The following ITPR1 variants were observed in gnomAD, a reference collection of about 807,000 sequenced individuals.
The protein encoded by ITPR1 is inositol 1,4,5-trisphosphate receptor type 1.
ITPR1 carries 96 observed loss-of-function variants against 318.4 expected under a neutral mutation model. That is an observed-to-expected ratio of 0.30 (90% CI 0.26 to 0.36). The LOEUF (loss-of-function observed/expected upper bound fraction) is 0.36. Among genes scored for constraint, ITPR1 ranks in the 10% least tolerant of loss-of-function variants. The pLI, the probability that ITPR1 is intolerant of heterozygous loss-of-function variation, is 1.00. For missense variants in ITPR1, 2,440 were observed against 3,460.2 expected (o/e 0.71, Z 7.40); for synonymous variants, 1,312 against 1,289.9 (o/e 1.02, Z -0.37).
chr3:4,554,790 T>C (rs1404602823), intron 4 of ITPR1, among the ~76,000 whole-genome samples: 3 of 152,190 alleles, frequency 2.0e-5, no homozygotes, highest in Non-Finnish European at 4.4e-5. Context: ...GTTTCTTGTC[T>C]TCCTGCTTGT....
At chr3:4,747,819 T>C (rs1483813615) in intron 44 of ITPR1, among the ~76,000 whole-genome samples, 1 of 152,192 alleles carries the variant, frequency 6.6e-6, no homozygotes. Context: ...CTCATCTAAT[T>C]AGGGCCGTTA....
In ITPR1 at chr3:4,759,014, G is replaced by A. The variant is rs575706450; in HGVS notation, c.5545-7516G>A. Among the ~76,000 whole-genome samples the A allele has an allele frequency of 5.5e-4, 84 of 152,388 alleles. 1 individual carries two copies. The highest frequency in any genetic ancestry group is 1.9e-3 in the African/African-American group (81 of 41,592). On this transcript the variant is annotated intron_variant, in intron 44 of 61. Coordinates refer to ENST00000649015, the MANE Select transcript of ITPR1 (RefSeq NM_001378452.1). ...AACAATAATACCCCTTTCCAGGGAA[G>A]GGTAAGATAGGTGGATCCAGAAAGG...
intron 55 of ITPR1, among the ~76,000 whole-genome samples, chr3:4,808,747 G>A (rs766473139): frequency 4.6e-5 from 7 of 152,330 alleles, no homozygotes; most frequent in Middle Eastern, 3.4e-3. Flanking sequence ...CCTGTAAAAG[G>A]AGAGAGACCT....
intron 42 of ITPR1, among the ~76,000 whole-genome samples, chr3:4,727,558 C>A (rs2042608161): frequency 6.6e-6 from 1 of 151,936 alleles, no homozygotes; most frequent in Admixed American, 6.6e-5. Flanking sequence ...GCCACAAGAG[C>A]CACTGTTTTT....
At chr3:4,798,950 T>C (rs2048056112) in intron 53 of ITPR1, among the ~76,000 whole-genome samples, 1 of 152,238 alleles carries the variant, frequency 6.6e-6, no homozygotes. Context: ...AGGCATCACC[T>C]GCAAAGAGGC....
chr3:4,582,880 T>A (rs2089499563), intron 4 of ITPR1, among the ~76,000 whole-genome samples: 2 of 152,184 alleles, frequency 1.3e-5, no homozygotes, highest in Admixed American at 1.3e-4. Context: ...TGCCTCTGCT[T>A]TAGTATGTCT....
At chr3:4,515,062 T>C (rs1575376262) in intron 2 of ITPR1, among the ~76,000 whole-genome samples, 3 of 152,330 alleles carry the variant, frequency 2.0e-5, no homozygotes, top group Admixed American at 2.0e-4. Flanking sequence ...CCTCTATAAA[T>C]AAGTTCATGT....
chr3:4,722,578 A>G (rs541478511), intron 40 of ITPR1, among the ~76,000 whole-genome samples: 1 of 152,328 alleles, frequency 6.6e-6, no homozygotes, highest in Admixed American at 6.5e-5. Context: ...TTGAACATAT[A>G]TATCCTATTA....
At chr3:4,722,664 C>T (rs1465243167) in intron 40 of ITPR1, among the ~76,000 whole-genome samples, 2 of 152,160 alleles carry the variant, frequency 1.3e-5, no homozygotes, top group East Asian at 1.9e-4. Context: ...AGCCAACATC[C>T]GCATTAGAAG....
chr3:4,745,580 A>G (rs1004012571), intron 44 of ITPR1, among the ~76,000 whole-genome samples: 3 of 152,174 alleles, frequency 2.0e-5, no homozygotes, highest in Admixed American at 6.5e-5. Context: ...ACCTTAAAAC[A>G]TCTGAAATGT....
chr3:4,550,986 T>C (rs992552754), intron 4 of ITPR1, among the ~76,000 whole-genome samples: 2 of 152,066 alleles, frequency 1.3e-5, no homozygotes, highest in African/African-American at 2.4e-5. Context: ...GGACTGAGAA[T>C]AGAATAGTGC....
At chr3:4,597,709 C>CTAGA (rs1234465887) in intron 4 of ITPR1, among the ~76,000 whole-genome samples, 1 of 152,174 alleles carries the variant, frequency 6.6e-6, no homozygotes, top group Non-Finnish European at 1.5e-5. Context: ...CCCGGTTTGG[C>CTAGA]TAGAGGTAAA....
At chr3:4,800,167 A>T (rs2048135608) in intron 53 of ITPR1, 1 of 481,056 alleles carries the variant, frequency 2.1e-6, no homozygotes, top group African/African-American at 2.0e-5. Context: ...GGCTTCCTGG[A>T]AGAAGTAATG....
intron 7 of ITPR1, among the ~76,000 whole-genome samples, chr3:4,642,770 G>A (rs2093366802): frequency 6.6e-6 from 1 of 152,186 alleles, no homozygotes; most frequent in African/African-American, 2.4e-5. Flanking sequence ...GGGTTCCACA[G>A]TATATAAAGC....
At chr3:4,757,134 C>G (rs9878124) in intron 44 of ITPR1, among the ~76,000 whole-genome samples, 3,811 of 152,264 alleles carry the variant, frequency 0.025, 69 homozygotes, top group South Asian at 0.063. Context: ...GTAGGTTTCC[C>G]GAGTTCCAGT....
At chr3:4,759,693 C>T (rs1014912688) in intron 44 of ITPR1, among the ~76,000 whole-genome samples, 3 of 152,182 alleles carry the variant, frequency 2.0e-5, no homozygotes, top group East Asian at 3.8e-4. Flanking sequence ...TATCTAGCGG[C>T]GTCTTTATCC....
intron 24 of ITPR1, among the ~76,000 whole-genome samples, chr3:4,677,675 G>A (rs1156487294): frequency 6.6e-6 from 1 of 152,228 alleles, no homozygotes; most frequent in African/African-American, 2.4e-5. Flanking sequence ...GAGAAGTGGG[G>A]ACATGGGCAG....
chr3:4,614,609 C>G (rs975554696), intron 4 of ITPR1, among the ~76,000 whole-genome samples: 21 of 152,196 alleles, frequency 1.4e-4, no homozygotes, highest in African/African-American at 4.1e-4. Context: ...CAACCCAGTC[C>G]GTCAGGTTCT....
At chr3:4,503,476 C>T (rs1388340659) in intron 2 of ITPR1, among the ~76,000 whole-genome samples, 2 of 152,112 alleles carry the variant, frequency 1.3e-5, no homozygotes, top group South Asian at 2.1e-4. Context: ...TTGCAGAAGG[C>T]GTTACAGATA....
Sources: gnomAD v4.1 joint callset for allele counts (sites outside exome capture counted in the v4.1 genomes callset) on GRCh38, gnomAD v4.1.1 for gene constraint, MANE v1.5 for transcripts, NCBI Gene and HGNC (gene_info 2026-07-23, HGNC 2026-07-21) for gene names.